MZT1: variants seen among roughly 807,000 people sequenced by gnomAD.
The protein encoded by MZT1 is mitotic-spindle organizing protein 1.
In MZT1, 8 loss-of-function variants were observed where a neutral mutation model predicts 8.5. That is an observed-to-expected ratio of 0.94 (90% confidence interval 0.55 to 1.70). MZT1 has a LOEUF of 1.70. Ranked by LOEUF, MZT1 falls within the 40% of genes most tolerant of loss-of-function variation. The pLI is 0.00. For synonymous variants in MZT1, 38 were observed against 42.0 expected, an observed-to-expected ratio of 0.90 and a Z score of 0.37; for missense variants, 93 against 108.6, an observed-to-expected ratio of 0.86 and a Z score of 0.64.
chr13:72,718,811 A>G lies in MZT1; in HGVS notation c.225+141T>C, dbSNP rs2032564416. On this transcript the variant is annotated intron_variant, in intron 2 of 2. Transcript: ENST00000377818. ...AGTAATTTTTATGATATGAACATAC[A>G]CTATTGAGCTCCTGGTCTTCTAGTG... 5.2e-6 allele frequency: 4 copies of G among 763,646 alleles called. No individual in the cohort carries two copies. The South Asian group carries it at 7.2e-5, about 14-fold the overall frequency. The allele number at this position is 763,646 out of a possible 1,614,324, so 47.3% of individuals were successfully genotyped here.
rs2032459427 is a variant in MZT1 at position 72,708,927 on chromosome 13, T to A, written c.*1395A>T. ...AAAAACAAAAAATGCTAGTAAAGAG[T>A]GAATGCTTGTACAATCATATAAATG... On this transcript the variant is annotated 3_prime_UTR_variant, in exon 3 of 3. Coordinates refer to ENST00000377818, the MANE Select transcript of MZT1 (RefSeq NM_001071775.3). 6.6e-6 allele frequency: 1 copy of A among 151,010 alleles called. No individual in the cohort carries two copies. Among genetic ancestry groups the A allele is most frequent in the Admixed American group, 6.6e-5 (1 of 15,128 alleles). 9.4% of individuals were successfully genotyped at this position (151,010 alleles called of 1,614,324 possible).
chr13:72,715,019 A>T (rs1053440878), intron 2 of MZT1, among the ~76,000 whole-genome samples: 3 of 152,184 alleles, frequency 2.0e-5, no homozygotes, highest in Non-Finnish European at 2.9e-5. Context: ...AGATCCACTG[A>T]CAGCTTGTAC....
At position 72,708,799 on chromosome 13, in the gene MZT1, A is replaced by C. The variant is rs2032456791; in HGVS notation, c.*1523T>G. ...GGTTGGTAAAGATGCCAGGCATTTA[A>C]AAAGTCAAAATGGTCAAAATTCTAT... is the stretch of plus-strand genomic sequence containing the variant. On this transcript the variant is annotated 3_prime_UTR_variant, in exon 3 of 3. Coordinates refer to ENST00000377818, the MANE Select transcript of MZT1 (RefSeq NM_001071775.3). 6.8e-6 allele frequency: 1 copy of C among 147,410 alleles called. No homozygotes were observed. The highest frequency in any genetic ancestry group is 1.5e-5 in the Non-Finnish European group (1 of 66,910). The allele number at this position is 147,410 out of a possible 1,614,324, so 9.1% of individuals were successfully genotyped here.
chr13:72,723,206 C>T (rs1407549656), intron 1 of MZT1, among the ~76,000 whole-genome samples: 1 of 152,138 alleles, frequency 6.6e-6, no homozygotes, highest in African/African-American at 2.4e-5. Flanking sequence ...TTTTATCCTC[C>T]CTTCATATAA....
At chr13:72,717,475 G>C (rs887714735) in intron 2 of MZT1, among the ~76,000 whole-genome samples, 2 of 151,958 alleles carry the variant, frequency 1.3e-5, no homozygotes, top group Non-Finnish European at 2.9e-5. Flanking sequence ...AAGTAGCTGG[G>C]ATTACAGGCA....
chr13:72,710,691 G>A (rs572043076), intron 2 of MZT1, among the ~76,000 whole-genome samples: 1 of 152,146 alleles, frequency 6.6e-6, no homozygotes, highest in South Asian at 2.1e-4. Flanking sequence ...TCTAGTAATA[G>A]GGATTAAAAA....
Sources: allele counts gnomAD v4.1 joint callset (sites outside exome capture counted in the v4.1 genomes callset), GRCh38; gene constraint gnomAD v4.1.1; transcripts MANE v1.5; gene names NCBI Gene and HGNC (gene_info 2026-07-23, HGNC 2026-07-21).